Variants in ATP7A observed in about 807,000 individuals in gnomAD.
ATP7A encodes the protein ATPase copper transporting alpha, also known as copper-transporting ATPase 1.
In ATP7A, 7 loss-of-function variants were observed where a neutral mutation model predicts 83.5. The ratio of observed to expected loss-of-function variants is 0.08; its 90% CI spans 0.05 to 0.16. ATP7A has a LOEUF of 0.16. Ranked by LOEUF, ATP7A falls within the 10% of genes least tolerant of loss-of-function variation. ATP7A has a pLI of 1.00. For synonymous variants in ATP7A, 354 were observed against 395.2 expected, an observed-to-expected ratio of 0.90 and a Z score of 1.24; for missense variants, 940 against 1,120.8, an observed-to-expected ratio of 0.84 and a Z score of 2.30.
rs192424860 is a variant in ATP7A, at chrX:77,998,604, C to T, written c.1463C>T (p.Ser488Phe). ...VQDKEEGKNS[S>F]KCYIQVTGMT... is the part of the protein sequence containing the mutation. ...GACAAGGAGGAAGGAAAGAATTCAT[C>T]TAAGTGTTACATACAGGTCACTGGC... The change falls in exon 5 of 23, where the codon TCT becomes TTT. Residue 488 changes from serine (S) to phenylalanine (F), a missense_variant. This residue lies in a region of ATP7A where 350 missense variants were observed against 432.8 expected (regional missense o/e 0.81). Transcript: ENST00000341514. The T allele has an allele frequency of 8.3e-7, 1 of 1,211,804 alleles. No homozygotes were observed. The highest frequency in any genetic ancestry group is 1.7e-5 in the African/African-American group (1 of 57,848).
rs2077471243 is a variant in ATP7A at position 77,961,000 on chromosome X, C to T, written c.-21-10621C>T. On this transcript the variant is annotated intron_variant, in intron 1 of 22. Coordinates refer to ENST00000341514, the MANE Select transcript of ATP7A (RefSeq NM_000052.7). Reference sequence around the variant, plus strand: ...ATGGACATAACATATATAACAAAGTCAATTAGAGTTGTGTGTATATGTAAT... The same window carrying T: ...ATGGACATAACATATATAACAAAGTTAATTAGAGTTGTGTGTATATGTAAT... Among the ~76,000 whole-genome samples, 5 of 110,471 alleles carry T rather than the reference C, an allele frequency of 4.5e-5. No individual in the cohort carries two copies. The South Asian group carries it at 1.9e-3, about 42-fold the overall frequency.
Position 78,046,705 on chromosome X carries a change from T to G in ATP7A, c.*135T>G, listed in dbSNP as rs1289325796. On this transcript the variant is annotated 3_prime_UTR_variant, in exon 23 of 23. Coordinates refer to ENST00000341514, the MANE Select transcript of ATP7A (RefSeq NM_000052.7). The stretch of plus-strand genomic sequence containing the variant: ...ATTAGGGATTCTATTTGAGTTGCGT[T>G]TATCTGTTGGCAAAAATATCTTTTT... 1.1e-6 allele frequency: 1 copy of G among 872,069 alleles called. No individual in the cohort carries two copies. The highest frequency in any genetic ancestry group is 1.6e-6 in the Non-Finnish European group (1 of 609,034). The allele number at this position is 872,069 out of a possible 1,213,427, so 71.9% of individuals were successfully genotyped here.
chrX:78,011,794 T>C (rs782578404), intron 9 of ATP7A, 120 bp downstream of exon 9: 2 of 691,521 alleles, frequency 2.9e-6, no homozygotes, highest in East Asian at 3.2e-5. Context: ...TTTTATGCCA[T>C]ATGCTTTACA....
At chrX:77,930,194 A>G (rs1408965909) in intron 1 of ATP7A, among the ~76,000 whole-genome samples, 4 of 111,657 alleles carry the variant, frequency 3.6e-5, no homozygotes, top group Non-Finnish European at 7.5e-5. Context: ...GGCTGAAAAT[A>G]AGGGAAATGT....
intron 1 of ATP7A, among the ~76,000 whole-genome samples, chrX:77,931,801 C>T (rs1473667840): frequency 3.6e-4 from 34 of 93,796 alleles, no homozygotes; most frequent in African/African-American, 1.3e-3. Flanking sequence ...CTGGACGGGG[C>T]GGCTGGCCGG....
In ATP7A at chrX:77,988,423, A is replaced by G. The variant is rs1569549582; in HGVS notation, c.302A>G (p.Asp101Gly). The G allele has an allele frequency of 1.7e-6, 2 of 1,211,489 alleles. No homozygotes were observed. The highest frequency in any genetic ancestry group is 3.0e-5 in the East Asian group (1 of 33,852). ...ACGGCGTCACTGACTTTGCCATGGG[A>G]CCATATCCAAAGCACATTGCTGAAG... The part of the protein sequence containing the change: ...TVTASLTLPW[D>G]HIQSTLLKTK... Residue 101 changes from aspartate to glycine, a missense_variant, in exon 3 of 23, where the codon GAC becomes GGC. Physicochemically the swap from Asp to Gly is moderately conservative, Grantham distance 94. This residue lies in a region of ATP7A where 350 missense variants were observed against 432.8 expected (regional missense o/e 0.81). Transcript: ENST00000341514.
intron 1 of ATP7A, among the ~76,000 whole-genome samples, chrX:77,915,624 A>C (rs2149038943): frequency 8.9e-6 from 1 of 112,293 alleles, no homozygotes; most frequent in African/African-American, 3.2e-5. Context: ...CCTATATAAT[A>C]AAATTATAAA....
intron 1 of ATP7A, among the ~76,000 whole-genome samples, chrX:77,931,953 C>T (rs1343465694): frequency 8.0e-5 from 8 of 99,849 alleles, no homozygotes; most frequent in Non-Finnish European, 6.1e-5. Context: ...GGGGGCTGAC[C>T]CCCCCACCTC....
intron 1 of ATP7A, among the ~76,000 whole-genome samples, chrX:77,944,396 C>G (rs1160216263): frequency 1.8e-5 from 2 of 111,419 alleles, no homozygotes; most frequent in Non-Finnish European, 3.8e-5. Context: ...GAACTCCCAA[C>G]TGGTAGACTT....
In ATP7A at chrX:77,969,578, G is replaced by C. The variant is rs199995586; in HGVS notation, c.-21-2043G>C. The C allele has an allele frequency of 9.1e-6, 11 of 1,210,541 alleles. No individual in the cohort carries two copies. The African/African-American group carries it at 1.7e-4, about 19-fold the overall frequency. On this transcript the variant is annotated intron_variant, in intron 1 of 22. Transcript: ENST00000341514. Reference sequence around the variant, plus strand: ...TCGGCGTCGTACCAGCAGCTGAAGCGGTTCTCCAGGTTCCATGTGCTCTCG... The same window carrying C: ...TCGGCGTCGTACCAGCAGCTGAAGCCGTTCTCCAGGTTCCATGTGCTCTCG...
chrX:77,992,884 G>T (rs1318910250), intron 4 of ATP7A, among the ~76,000 whole-genome samples: 25 of 112,473 alleles, frequency 2.2e-4, no homozygotes, highest in African/African-American at 8.1e-4. Context: ...AGAATGCTGG[G>T]ATTACAGGCG....
At position 78,043,302 on chromosome X, in the gene ATP7A, T is replaced by C; in HGVS notation, c.4006-15T>C. The C allele has an allele frequency of 1.8e-6, 2 of 1,135,068 alleles. No homozygotes were observed. Among genetic ancestry groups the C allele is most frequent in the Non-Finnish European group, 2.4e-6 (2 of 826,098 alleles). 93.5% of individuals were successfully genotyped at this position (1,135,068 alleles called of 1,213,427 possible). ...TAGAGTCTCTTACTAATATCACAAA[T>C]ATTTCTGTTCTTAGAATGATCTTCT... On this transcript the variant is annotated splice_polypyrimidine_tract_variant and intron_variant, in intron 20 of 22. Transcript: ENST00000341514.
At chrX:78,038,767 A>G (rs1557237986) in intron 17 of ATP7A, 69 bp from the exon 18 acceptor site, 4 of 1,126,054 alleles carry the variant, frequency 3.6e-6, no homozygotes, top group Non-Finnish European at 4.9e-6. Flanking sequence ...AGACAGGAAG[A>G]ACTTGCTTCA....
chrX:77,976,821 C>A (rs1168919712), intron 2 of ATP7A, among the ~76,000 whole-genome samples: 1 of 112,034 alleles, frequency 8.9e-6, no homozygotes, highest in Non-Finnish European at 1.9e-5. Flanking sequence ...GTACTGTTGA[C>A]ATCCATGTGA....
chrX:77,987,217 G>A (rs147199330), intron 2 of ATP7A, among the ~76,000 whole-genome samples: 2,521 of 111,364 alleles, frequency 0.023, 67 homozygotes, highest in African/African-American at 0.079. Flanking sequence ...AGTTCCTGAC[G>A]CACATAATAA....
intron 2 of ATP7A, among the ~76,000 whole-genome samples, chrX:77,972,387 T>C (rs1234420456): frequency 1.8e-5 from 2 of 110,413 alleles, no homozygotes; most frequent in Non-Finnish European, 3.8e-5. Flanking sequence ...AGTTTTGCTC[T>C]TGCTGCCCAG....
intron 1 of ATP7A, among the ~76,000 whole-genome samples, chrX:77,947,115 A>G (rs1220209834): frequency 8.9e-6 from 1 of 112,095 alleles, no homozygotes; most frequent in Non-Finnish European, 1.9e-5. Flanking sequence ...ATGATACTAC[A>G]TGGGTGAACT....
intron 11 of ATP7A, among the ~76,000 whole-genome samples, chrX:78,015,515 T>C (rs1557235035): frequency 8.9e-6 from 1 of 112,305 alleles, no homozygotes; most frequent in East Asian, 2.8e-4. Flanking sequence ...TTTTTAAAAC[T>C]TTCATTTTTA....
chrX:78,046,431 G>T lies in ATP7A; in HGVS notation c.4364G>T (p.Arg1455Leu), dbSNP rs147848649. 3 of 1,211,308 alleles carry T rather than the reference G, an allele frequency of 2.5e-6. No individual in the cohort carries two copies. Among genetic ancestry groups the T allele is most frequent in the Non-Finnish European group, 2.2e-6 (2 of 895,324 alleles). ...RNSPKLGLLDRIVNYSRASIN... is the reference protein window; with the variant it reads ...RNSPKLGLLDLIVNYSRASIN... ...TCTCCTAAACTGGGTTTGCTGGACCGGATTGTTAATTATAGCAGAGCCTCT... is the reference window on the plus strand; with the variant it reads ...TCTCCTAAACTGGGTTTGCTGGACCTGATTGTTAATTATAGCAGAGCCTCT... The change falls in exon 23 of 23, where the codon CGG becomes CTG. Residue 1455 changes from arginine (R) to leucine (L), a missense_variant. Physicochemically the swap from Arg to Leu is moderately radical, Grantham distance 102. Coordinates refer to ENST00000341514, the MANE Select transcript of ATP7A (RefSeq NM_000052.7).
Sources: gnomAD v4.1 joint callset for allele counts (sites outside exome capture counted in the v4.1 genomes callset) on GRCh38, gnomAD v4.1.1 for gene constraint, gnomAD v4.1.1 regional missense constraint, MANE v1.5 for transcripts, NCBI Gene and HGNC (gene_info 2026-07-23, HGNC 2026-07-21) for gene names.